The following SULT6B1 variants were observed in gnomAD, a reference collection of about 807,000 sequenced individuals.
SULT6B1 encodes the protein sulfotransferase family 6B member 1.
Under a neutral mutation model 37.2 loss-of-function variants are expected in SULT6B1, and 44 were observed. That is an observed-to-expected ratio of 1.18 (90% CI 0.93 to 1.52). SULT6B1 has a LOEUF of 1.52. Among genes scored for constraint, SULT6B1 ranks in the 40% most tolerant of loss-of-function variants. The pLI, the probability that SULT6B1 is intolerant of heterozygous loss-of-function variation, is 0.00. For missense variants in SULT6B1, 450 were observed against 361.0 expected (o/e 1.25, Z -2.00); for synonymous variants, 140 against 126.0 (o/e 1.11, Z -0.74).
rs45493492 is a variant in SULT6B1 at position 37,187,405 on chromosome 2, T to C, written c.262A>G (p.Lys88Glu). ...TCAAGAACTGGGAATTCTGGATATT[T>C]ATACTTTTTTTTAGAAACAGCATAT... Reference protein sequence around the residue: ...LIYAVSKKKYKYPEFPVLECG... With the variant: ...LIYAVSKKKYEYPEFPVLECG... Residue 88 changes from lysine to glutamate, a missense_variant, in exon 2 of 7, where the codon AAA becomes GAA. Physicochemically the swap from Lys to Glu is moderately conservative, Grantham distance 56. Coordinates refer to ENST00000535679, the MANE Select transcript of SULT6B1 (RefSeq NM_001367551.1). 44,594 of 1,602,212 alleles carry C rather than the reference T, an allele frequency of 0.028. 821 individuals carry two copies. The highest frequency in any genetic ancestry group is 0.034 in the Middle Eastern group (205 of 5,966).
At position 37,175,171 on chromosome 2, in the gene SULT6B1, G is replaced by A. The variant is rs551675223; in HGVS notation, c.585C>T (p.Gly195=). 9.5e-6 allele frequency: 15 copies of A among 1,571,872 alleles called. No homozygotes were observed. The highest frequency in any genetic ancestry group is 6.8e-5 in the African/African-American group (5 of 73,720). ...CATATAATATGAACTTAACATTGTC[G>A]CCATCAAGATGTTTGTTCCAATTGA... ...FAINWNKHLD[G]DNVKFILYED... is the part of the protein sequence containing the mutation. The change falls in exon 5 of 7, where the codon GGC becomes GGT. Residue 195 remains glycine, a synonymous_variant. Coordinates refer to ENST00000535679, the MANE Select transcript of SULT6B1 (RefSeq NM_001367551.1).
At chr2:37,193,602 A>AGAAGAAGAAGAAGAAGAAGAAGAAGAG (rs1558454866), upstream of SULT6B1, among the ~76,000 whole-genome samples, 11 of 111,042 alleles carry the variant, frequency 9.9e-5, no homozygotes, top group African/African-American at 3.7e-4. Flanking sequence ...AAGAAAAAGA[A>AGAAGAAGAAGAAGAAGAAGAAGAAGAG]GAAGAAGAAG....
chr2:37,183,383 C>T (rs1482396673), intron 3 of SULT6B1, 42 bp downstream of exon 3: 6 of 1,479,864 alleles, frequency 4.1e-6, no homozygotes, highest in African/African-American at 2.8e-5. Flanking sequence ...AATATCTATA[C>T]ATAGAAATTT....
chr2:37,176,191 T>A (rs189308641), intron 4 of SULT6B1, among the ~76,000 whole-genome samples: 3 of 151,988 alleles, frequency 2.0e-5, no homozygotes, highest in Admixed American at 1.3e-4. Context: ...TGGGGCGTTA[T>A]GAGGTTTAAA....
At position 37,182,253 on chromosome 2, in the gene SULT6B1, ATT is replaced by A. The variant is rs56665951; in HGVS notation, c.402+1170_402+1171del. Among the ~76,000 whole-genome samples, 1,194 of 137,364 alleles carry A rather than the reference ATT, an allele frequency of 8.7e-3. 19 individuals are homozygous for A. Among genetic ancestry groups the A allele is most frequent in the African/African-American group, 0.026 (956 of 36,606 alleles). The allele number at this position is 137,364 out of a possible 152,430, so 90.1% of individuals were successfully genotyped here. Reference sequence around the variant, plus strand: ...CTTGCTAGCATTCGGCAGAAGTTAAATTTTTTTTTTTTTTTTTTGAGACAAGG... The same window carrying A: ...CTTGCTAGCATTCGGCAGAAGTTAAATTTTTTTTTTTTTTTTGAGACAAGG... On this transcript the variant is annotated intron_variant, in intron 3 of 6. Coordinates refer to ENST00000535679, the MANE Select transcript of SULT6B1 (RefSeq NM_001367551.1).
intron 3 of SULT6B1, among the ~76,000 whole-genome samples, chr2:37,181,714 C>T (rs1171008214): frequency 6.6e-6 from 1 of 152,044 alleles, no homozygotes; most frequent in African/African-American, 2.4e-5. Flanking sequence ...TATATTCTTA[C>T]AAATGTGAAA....
intron 3 of SULT6B1, 80 bp from the exon 4 acceptor site, chr2:37,179,664 A>G (rs2111630): frequency 0.28 from 347,859 of 1,247,880 alleles, 56,479 homozygotes; most frequent in East Asian, 0.76. Flanking sequence ...CAATATCATC[A>G]TGTCCACTCG....
At chr2:37,180,945 G>T (rs969107156) in intron 3 of SULT6B1, among the ~76,000 whole-genome samples, 1 of 152,128 alleles carries the variant, frequency 6.6e-6, no homozygotes, top group African/African-American at 2.4e-5. Context: ...ATGTAAACCT[G>T]CTGGGAGGTT....
upstream of SULT6B1, among the ~76,000 whole-genome samples, chr2:37,193,640 AAGAAG>A: frequency 6.7e-6 from 1 of 148,540 alleles, no homozygotes; most frequent in East Asian, 2.0e-4. Context: ...GAAGAAGAAG[AAGAAG>A]AAGAAGGAGA....
chr2:37,194,800 C>T (rs1676860606), intron 1 of SULT6B1: 1 of 155,260 alleles, frequency 6.4e-6, no homozygotes, highest in South Asian at 1.9e-4. Context: ...CTCCTCTTTT[C>T]TTTTTTTCAA....
intron 2 of SULT6B1, among the ~76,000 whole-genome samples, chr2:37,184,312 G>T (rs1257897137): frequency 6.6e-6 from 1 of 152,200 alleles, no homozygotes; most frequent in Non-Finnish European, 1.5e-5. Context: ...AAAGTACAGA[G>T]TTACTTAAAT....
chr2:37,193,628 A>AAGAAGG (rs1676831041), upstream of SULT6B1, among the ~76,000 whole-genome samples: 4 of 151,024 alleles, frequency 2.6e-5, no homozygotes, highest in East Asian at 7.7e-4. Flanking sequence ...GAAGAAGAAG[A>AAGAAGG]AGAAGAAGAA....
chr2:37,173,398 T>C (rs1469061752), intron 5 of SULT6B1, among the ~76,000 whole-genome samples: 3 of 152,178 alleles, frequency 2.0e-5, no homozygotes, highest in Non-Finnish European at 2.9e-5. Flanking sequence ...CCTACGTATA[T>C]ATTTCCATGG....
chr2:37,171,404 T>C, intron 6 of SULT6B1, 30 bp downstream of exon 6: 1 of 1,604,582 alleles, frequency 6.2e-7, no homozygotes, highest in Non-Finnish European at 8.5e-7. Flanking sequence ...CCCTAACTGA[T>C]AACAATCCCA....
intron 5 of SULT6B1, 106 bp downstream of exon 5, chr2:37,175,026 T>A (rs1430598789): frequency 1.2e-5 from 7 of 590,786 alleles, no homozygotes; most frequent in African/African-American, 3.8e-5. Context: ...GGAATATTTT[T>A]AAAAATTGAA....
chr2:37,167,931 G>A lies in SULT6B1; in HGVS notation c.*4C>T. On this transcript the variant is annotated 3_prime_UTR_variant, in exon 7 of 7. Transcript: ENST00000535679. ...TAAATCTAGGCCTGCTGAATTGACT[G>A]GAATCAACCCTGGCAATATGATTCA... The A allele has an allele frequency of 6.4e-7, 1 of 1,570,836 alleles. No homozygotes were observed. The highest frequency in any genetic ancestry group is 8.6e-7 in the Non-Finnish European group (1 of 1,167,406).
At chr2:37,185,894 C>T (rs1372460505) in intron 2 of SULT6B1, among the ~76,000 whole-genome samples, 1 of 151,994 alleles carries the variant, frequency 6.6e-6, no homozygotes, top group East Asian at 1.9e-4. Flanking sequence ...TTCTTACTGC[C>T]CCTGTTGGTC....
At chr2:37,176,547 AC>A (rs1380204966) in intron 4 of SULT6B1, among the ~76,000 whole-genome samples, 2 of 151,992 alleles carry the variant, frequency 1.3e-5, no homozygotes, top group African/African-American at 2.4e-5. Flanking sequence ...GGTGTGAGCC[AC>A]CCCGCTCGGC....
intron 6 of SULT6B1, among the ~76,000 whole-genome samples, chr2:37,170,797 G>A (rs1392007046): frequency 6.6e-6 from 1 of 151,346 alleles, no homozygotes; most frequent in African/African-American, 2.4e-5. Flanking sequence ...TATTTAAAGG[G>A]GGCTCACTCA....
Sources: gnomAD v4.1 joint callset for allele counts (sites outside exome capture counted in the v4.1 genomes callset) on GRCh38, gnomAD v4.1.1 for gene constraint, MANE v1.5 for transcripts, NCBI Gene and HGNC (gene_info 2026-07-23, HGNC 2026-07-21) for gene names.